EMSY: variants seen among roughly 807,000 people sequenced by gnomAD.
EMSY encodes EMSY transcriptional repressor, BRCA2 interacting.
A neutral mutation model predicts 134.6 loss-of-function variants in EMSY; 26 were observed. The observed-to-expected ratio is 0.19, with a 90% CI of 0.14 to 0.27. The LOEUF (loss-of-function observed/expected upper bound fraction) is 0.27. EMSY is among the 10% of genes least tolerant of loss of function. The pLI is 1.00. For missense variants in EMSY, 1,305 were observed against 1,611.4 expected (o/e 0.81, Z 3.26); for synonymous variants, 579 against 577.8 (o/e 1.00, Z -0.03).
intron 15 of EMSY, among the ~76,000 whole-genome samples, 182 bp downstream of exon 16, chr11:76,536,241 G>A (rs916753487): frequency 1.3e-5 from 2 of 152,058 alleles, no homozygotes; most frequent in African/African-American, 4.8e-5. Context: ...TTACTTGTTA[G>A]TTCAGTAAGA....
At chr11:76,537,665 C>T in intron 15 of EMSY, 130 bp from the exon 17 acceptor site, 2 of 757,788 alleles carry the variant, frequency 2.6e-6, no homozygotes, top group Non-Finnish European at 4.1e-6. Flanking sequence ...TTTTTCTTTT[C>T]AATTCACTGT....
intron 4 of EMSY, 48 bp from the exon 6 acceptor site, chr11:76,458,135 T>A: frequency 6.6e-7 from 1 of 1,516,480 alleles, no homozygotes; most frequent in Non-Finnish European, 8.9e-7. Flanking sequence ...GTTTGATTTG[T>A]TTTTAGTGAT....
chr11:76,539,874 T>C (rs918632163), intron 17 of EMSY, among the ~76,000 whole-genome samples: 2 of 152,180 alleles, frequency 1.3e-5, no homozygotes, highest in African/African-American at 4.8e-5. Context: ...TGCTTTATGG[T>C]GTTTATATGG....
At chr11:76,502,373 A>T (rs1441338956) in intron 9 of EMSY, among the ~76,000 whole-genome samples, 8 of 143,310 alleles carry the variant, frequency 5.6e-5, no homozygotes, top group Admixed American at 5.0e-4. Flanking sequence ...CCTTTATATT[A>T]TTTTTTTTTA....
intron 8 of EMSY, among the ~76,000 whole-genome samples, chr11:76,483,073 C>G (rs932732967): frequency 6.6e-5 from 10 of 152,124 alleles, no homozygotes; most frequent in Non-Finnish European, 1.3e-4. Context: ...ACCCTACAAG[C>G]CAGAAGAGAG....
At chr11:76,456,187 G>A (rs1191109436) in intron 4 of EMSY, among the ~76,000 whole-genome samples, 1 of 152,130 alleles carries the variant, frequency 6.6e-6, no homozygotes, top group African/African-American at 2.4e-5. Context: ...TGTAACTAAT[G>A]CATATTTACA....
chr11:76,454,947 CTTTAGCCA>C (rs1313108300), intron 4 of EMSY, among the ~76,000 whole-genome samples, 157 bp downstream of exon 5: 1 of 152,112 alleles, frequency 6.6e-6, no homozygotes, highest in African/African-American at 2.4e-5. Context: ...ACTGCCCACC[CTTTAGCCA>C]TTTTGCTGCT....
intron 8 of EMSY, among the ~76,000 whole-genome samples, chr11:76,484,109 A>C (rs1247256783): frequency 6.6e-6 from 1 of 152,208 alleles, no homozygotes; most frequent in Non-Finnish European, 1.5e-5. Flanking sequence ...TCAAACCTGC[A>C]CAACTACATG....
chr11:76,446,321 G>GTATATATATATGTATATATATATA (rs1405776336), intron 1 of EMSY, among the ~76,000 whole-genome samples: 1 of 110,120 alleles, frequency 9.1e-6, no homozygotes, highest in Non-Finnish European at 1.8e-5. Context: ...ATGTGTGTGT[G>GTATATATATATGTATATATATATA]TGTATATATA....
exon 7 of EMSY, chr11:76,463,887 C>A (rs746125833): frequency 6.2e-7 from 1 of 1,614,232 alleles, no homozygotes; most frequent in Non-Finnish European, 8.5e-7. Context: ...TCCAGCTCCT[C>A]TCCTGTTGTT....
intron 12 of EMSY, among the ~76,000 whole-genome samples, chr11:76,523,833 C>T (rs1950744883): frequency 6.7e-6 from 1 of 148,684 alleles, no homozygotes; most frequent in Non-Finnish European, 1.5e-5. Flanking sequence ...TCGCTTTAGC[C>T]CAGGAGTTCA....
intron 18 of EMSY, among the ~76,000 whole-genome samples, chr11:76,542,753 G>GTTTTTTGTTT (rs749234059): frequency 1.1e-4 from 12 of 109,232 alleles, no homozygotes; most frequent in East Asian, 2.6e-4. Flanking sequence ...TTCGTTTTTT[G>GTTTTTTGTTT]TTTTTTTTTT....
At chr11:76,503,894 C>T (rs1179678668) in intron 9 of EMSY, among the ~76,000 whole-genome samples, 1 of 152,104 alleles carries the variant, frequency 6.6e-6, no homozygotes, top group Non-Finnish European at 1.5e-5. Context: ...AAGCAATTCT[C>T]CTGCTTCAGC....
chr11:76,546,168 C>T (rs1951641980), exon 20 of EMSY: 5 of 1,614,062 alleles, frequency 3.1e-6, no homozygotes. Flanking sequence ...CGAGTCCATC[C>T]ACTGTTGGCT....
chr11:76,495,016 G>A (rs1191102239), intron 8 of EMSY, among the ~76,000 whole-genome samples: 9 of 152,166 alleles, frequency 5.9e-5, no homozygotes, highest in African/African-American at 2.2e-4. Context: ...GATTACAGGC[G>A]TGAGCCACTG....
chr11:76,547,379 ATT>A (rs1951690703), intron 20 of EMSY, among the ~76,000 whole-genome samples: 1 of 152,216 alleles, frequency 6.6e-6, no homozygotes, highest in South Asian at 2.1e-4. Flanking sequence ...TATTAAAATA[ATT>A]TGTTTCCCTT....
intron 6 of EMSY, among the ~76,000 whole-genome samples, chr11:76,462,687 A>G (rs574287236): frequency 1.3e-5 from 2 of 152,282 alleles, no homozygotes; most frequent in South Asian, 4.1e-4. Context: ...AGATGGATAG[A>G]ATGTGGTTAA....
chr11:76,545,705 G>A (rs886306876), intron 19 of EMSY, 92 bp from the exon 21 acceptor site: 13 of 1,417,974 alleles, frequency 9.2e-6, no homozygotes, highest in African/African-American at 4.3e-5. Flanking sequence ...TATAGCGCAC[G>A]AATGTTTCTT....
At chr11:76,470,622 G>T (rs1353606692) in intron 7 of EMSY, among the ~76,000 whole-genome samples, 1 of 151,978 alleles carries the variant, frequency 6.6e-6, no homozygotes, top group Admixed American at 6.6e-5. Flanking sequence ...TGCTTGGTCT[G>T]ATGCAATAGT....
Sources: gnomAD v4.1 joint callset for allele counts (sites outside exome capture counted in the v4.1 genomes callset) on GRCh38, gnomAD v4.1.1 for gene constraint, MANE v1.5 for transcripts, NCBI Gene and HGNC (gene_info 2026-07-23, HGNC 2026-07-21) for gene names.